The following CCSER1 variants were observed in gnomAD, a reference collection of about 807,000 sequenced individuals.
CCSER1 encodes the protein serine-rich coiled-coil domain-containing protein 1.
Under a neutral mutation model 82.0 loss-of-function variants are expected in CCSER1, and 41 were observed. That is an observed-to-expected ratio of 0.50 (90% confidence interval 0.39 to 0.65). The LOEUF is 0.65. Ranked by LOEUF, CCSER1 falls within the 30% of genes least tolerant of loss-of-function variation. The pLI is 0.00. For missense variants in CCSER1, 1,119 were observed against 1,064.2 expected (o/e 1.05, Z -0.72); for synonymous variants, 414 against 383.9 (o/e 1.08, Z -0.92).
chr4:91,120,340 T>A (rs1316845224), intron 10 of CCSER1, among the ~76,000 whole-genome samples: 2 of 151,964 alleles, frequency 1.3e-5, no homozygotes, highest in African/African-American at 2.4e-5. Context: ...TGCTATATAA[T>A]TACGTGGTCT....
chr4:91,594,390 T>TACAC (rs1430132584), intron 10 of CCSER1, among the ~76,000 whole-genome samples: 1 of 139,010 alleles, frequency 7.2e-6, no homozygotes, highest in South Asian at 2.2e-4. Context: ...CACACATATA[T>TACAC]ACATATATAC....
chr4:90,881,125 A>C (rs997296005), intron 8 of CCSER1, among the ~76,000 whole-genome samples: 1 of 152,172 alleles, frequency 6.6e-6, no homozygotes, highest in Non-Finnish European at 1.5e-5. Context: ...AATTTTTAAA[A>C]AGAAAAAGAA....
chr4:90,704,530 G>T (rs1431674172), intron 6 of CCSER1, among the ~76,000 whole-genome samples: 3 of 152,200 alleles, frequency 2.0e-5, no homozygotes, highest in Non-Finnish European at 4.4e-5. Flanking sequence ...TGCCTTGCTA[G>T]GTTGGGGAAG....
intron 5 of CCSER1, among the ~76,000 whole-genome samples, chr4:90,522,472 A>G (rs955941009): frequency 3.9e-5 from 6 of 152,138 alleles, no homozygotes; most frequent in African/African-American, 1.2e-4. Context: ...GGTATCAGTT[A>G]TCTACTGAAA....
chr4:91,386,877 TA>T (rs1751332893), intron 10 of CCSER1, among the ~76,000 whole-genome samples: 1 of 151,930 alleles, frequency 6.6e-6, no homozygotes, highest in South Asian at 2.1e-4. Flanking sequence ...AAAAGATGCA[TA>T]AACCCTCATA....
At chr4:91,122,455 G>A (rs1000067484) in intron 10 of CCSER1, among the ~76,000 whole-genome samples, 1 of 151,528 alleles carries the variant, frequency 6.6e-6, no homozygotes, top group African/African-American at 2.4e-5. Context: ...TGTTGCCTCA[G>A]TAATATACAA....
chr4:91,440,537 G>C (rs563571344), intron 10 of CCSER1, among the ~76,000 whole-genome samples: 4 of 152,208 alleles, frequency 2.6e-5, no homozygotes, highest in East Asian at 1.9e-4. Context: ...AAAATCGACA[G>C]CCTAACATCA....
chr4:90,161,678 T>C (rs888922400), intron 1 of CCSER1, among the ~76,000 whole-genome samples: 1 of 152,064 alleles, frequency 6.6e-6, no homozygotes, highest in Non-Finnish European at 1.5e-5. Context: ...ATTGAATCAG[T>C]GTGAATTAAT....
chr4:91,272,011 A>G (rs1001097088), intron 10 of CCSER1, among the ~76,000 whole-genome samples: 3 of 152,152 alleles, frequency 2.0e-5, no homozygotes, highest in African/African-American at 7.2e-5. Flanking sequence ...CTACACATTG[A>G]TTGACTGGCA....
intron 5 of CCSER1, among the ~76,000 whole-genome samples, chr4:90,593,459 C>T (rs771648174): frequency 6.6e-6 from 1 of 152,218 alleles, no homozygotes; most frequent in East Asian, 1.9e-4. Flanking sequence ...AGCCCTGTTA[C>T]AGAATTTTTG....
intron 3 of CCSER1, among the ~76,000 whole-genome samples, chr4:90,359,901 A>G (rs201289090): frequency 0.21 from 8,233 of 38,826 alleles, 399 homozygotes; most frequent in East Asian, 0.5. Flanking sequence ...GTGTGTGTAT[A>G]TATATATATA....
At chr4:90,945,714 A>C (rs1232806585) in intron 9 of CCSER1, among the ~76,000 whole-genome samples, 1 of 152,222 alleles carries the variant, frequency 6.6e-6, no homozygotes, top group Non-Finnish European at 1.5e-5. Flanking sequence ...GTATGAAAAG[A>C]AAACCAAGTT....
At chr4:90,490,466 G>T (rs1471601088) in intron 5 of CCSER1, among the ~76,000 whole-genome samples, 1 of 152,102 alleles carries the variant, frequency 6.6e-6, no homozygotes, top group Non-Finnish European at 1.5e-5. Flanking sequence ...CTCCCATTCT[G>T]TAGGTTGCCT....
chr4:91,247,817 G>A (rs1428297436), intron 10 of CCSER1, among the ~76,000 whole-genome samples: 1 of 152,128 alleles, frequency 6.6e-6, no homozygotes, highest in Admixed American at 6.6e-5. Flanking sequence ...GCAGTGAGTT[G>A]AGATCACACA....
chr4:91,583,882 A>G (rs1168117776), intron 10 of CCSER1, among the ~76,000 whole-genome samples: 1 of 151,318 alleles, frequency 6.6e-6, no homozygotes, highest in Non-Finnish European at 1.5e-5. Flanking sequence ...AAAAGGACAT[A>G]TTGTTGGCCA....
intron 10 of CCSER1, among the ~76,000 whole-genome samples, chr4:91,216,230 C>T (rs571830047): frequency 6.6e-6 from 1 of 152,216 alleles, no homozygotes; most frequent in Non-Finnish European, 1.5e-5. Flanking sequence ...GGAGCTGGCT[C>T]TCTTGTCAGT....
intron 10 of CCSER1, among the ~76,000 whole-genome samples, chr4:91,188,251 A>G (rs1352185733): frequency 6.6e-6 from 1 of 152,134 alleles, no homozygotes; most frequent in African/African-American, 2.4e-5. Context: ...GGACTTACCA[A>G]TGTCTATTCT....
At chr4:91,461,331 T>TACTG (rs1756487110) in intron 10 of CCSER1, among the ~76,000 whole-genome samples, 1 of 152,206 alleles carries the variant, frequency 6.6e-6, no homozygotes, top group African/African-American at 2.4e-5. Flanking sequence ...GTGAGGATAT[T>TACTG]ACTGATTGAA....
intron 10 of CCSER1, among the ~76,000 whole-genome samples, chr4:91,545,312 G>T (rs974048523): frequency 2.6e-5 from 4 of 151,884 alleles, no homozygotes; most frequent in African/African-American, 9.7e-5. Flanking sequence ...TCGGCTCATG[G>T]TCTGTGTGCT....
Sources: allele counts gnomAD v4.1 joint callset (sites outside exome capture counted in the v4.1 genomes callset), GRCh38; gene constraint gnomAD v4.1.1; transcripts MANE v1.5; gene names NCBI Gene and HGNC (gene_info 2026-07-23, HGNC 2026-07-21).